The following DYNC2I1 variants were observed in gnomAD, a reference collection of about 807,000 sequenced individuals.
The protein encoded by DYNC2I1 is dynein 2 intermediate chain 1, also known as cytoplasmic dynein 2 intermediate chain 1.
In DYNC2I1, 89 loss-of-function variants were observed where a neutral mutation model predicts 133.4. That is an observed-to-expected ratio of 0.67 (90% CI 0.56 to 0.80). The LOEUF (loss-of-function observed/expected upper bound fraction) is 0.80, where lower values mean the gene tolerates loss of function less well. Among genes scored for constraint, DYNC2I1 ranks in the 30% least tolerant of loss-of-function variants. DYNC2I1 has a pLI of 0.00. For missense variants in DYNC2I1, 1,291 were observed against 1,314.5 expected, an observed-to-expected ratio of 0.98 and a Z score of 0.28; for synonymous variants, 504 against 484.3, an observed-to-expected ratio of 1.04 and a Z score of -0.54.
At chr7:158,848,647 G>A in the DYNC2I1 span, among the ~76,000 whole-genome samples, 109 of 152,292 alleles carry the variant, frequency 7.2e-4, 1 homozygote, top group Middle Eastern at 0.014. Flanking sequence ...GGACCAGGCC[G>A]GGCGCGGTGA....
rs1305929066 is a variant in DYNC2I1, at chr7:158,891,267, T to C, written c.993T>C (p.His331=). The C allele has an allele frequency of 5.0e-6, 8 of 1,614,054 alleles. No homozygotes were observed. Among genetic ancestry groups the C allele is most frequent in the Non-Finnish European group, 6.8e-6 (8 of 1,179,896 alleles). Residue 331 remains histidine, a splice_region_variant and synonymous_variant, in exon 8 of 25, where the codon CAT becomes CAC. Transcript: ENST00000407559. ...HGKDKDSRRK[H]GHEEGSSVWW... is the part of the protein sequence containing the mutation. ...TGGGGCTGTTCTCTCTCCATTAGCA[T>C]GGCCACGAGGAAGGCTCTTCTGTGT...
chr7:158,846,566 AAT>A, the DYNC2I1 span, among the ~76,000 whole-genome samples: 3 of 152,220 alleles, frequency 2.0e-5, no homozygotes, highest in African/African-American at 7.2e-5. Flanking sequence ...AATAAATTAT[AAT>A]AGTCTTTACA....
intron 10 of DYNC2I1, chr7:158,903,706 C>T (rs1399181873): frequency 6.6e-6 from 1 of 152,212 alleles, no homozygotes; most frequent in East Asian, 1.9e-4. Flanking sequence ...TAGCGCTGCA[C>T]ACAGGGAGGG....
intron 8 of DYNC2I1, among the ~76,000 whole-genome samples, chr7:158,895,514 G>A (rs1342599089): frequency 2.0e-5 from 3 of 152,054 alleles, no homozygotes; most frequent in African/African-American, 7.2e-5. Context: ...CACTCTTTTC[G>A]CCAGTACACA....
chr7:158,846,762 C>G, the DYNC2I1 span, among the ~76,000 whole-genome samples: 1 of 152,208 alleles, frequency 6.6e-6, no homozygotes, highest in Non-Finnish European at 1.5e-5. Flanking sequence ...TACCCTGCTG[C>G]TTCAGCTCTT....
At chr7:158,881,874 G>A (rs1263331976) in intron 5 of DYNC2I1, among the ~76,000 whole-genome samples, 2 of 152,104 alleles carry the variant, frequency 1.3e-5, no homozygotes, top group African/African-American at 2.4e-5. Context: ...GAACACTCTT[G>A]TACCCATAAC....
the DYNC2I1 span, among the ~76,000 whole-genome samples, chr7:158,841,196 T>C: frequency 3.8e-5 from 3 of 79,812 alleles, no homozygotes; most frequent in East Asian, 2.2e-3. Context: ...TATATATATA[T>C]ATATATATAT....
intron 13 of DYNC2I1, 68 bp from the exon 14 acceptor site, chr7:158,914,165 T>C: frequency 7.4e-7 from 1 of 1,347,624 alleles, no homozygotes; most frequent in Non-Finnish European, 1.0e-6. Context: ...GTTTGAACTC[T>C]TAAGATGTGT....
intron 1 of DYNC2I1, among the ~76,000 whole-genome samples, chr7:158,862,956 C>T (rs1841992800): frequency 6.6e-6 from 1 of 151,886 alleles, no homozygotes. Flanking sequence ...CATGGTCTCG[C>T]TGACTTCAGG....
intron 4 of DYNC2I1, among the ~76,000 whole-genome samples, chr7:158,879,389 A>G (rs1214841877): frequency 2.0e-5 from 3 of 152,116 alleles, no homozygotes; most frequent in Non-Finnish European, 2.9e-5. Context: ...AGTCCCCCAT[A>G]TAAAATGGTG....
intron 1 of DYNC2I1, among the ~76,000 whole-genome samples, chr7:158,867,165 A>T (rs745436441): frequency 4.6e-5 from 7 of 151,990 alleles, no homozygotes; most frequent in Non-Finnish European, 8.8e-5. Flanking sequence ...AGCTGAGGTT[A>T]GGTTTATCAT....
upstream of DYNC2I1, among the ~76,000 whole-genome samples, chr7:158,855,207 A>G (rs190258132): frequency 3.7e-3 from 563 of 152,334 alleles, 2 homozygotes; most frequent in Non-Finnish European, 6.0e-3. Context: ...GCATTCAGGG[A>G]TCAGAGTTTT....
intron 23 of DYNC2I1, among the ~76,000 whole-genome samples, chr7:158,936,984 A>G (rs1173588829): frequency 1.3e-5 from 2 of 152,210 alleles, no homozygotes; most frequent in Non-Finnish European, 2.9e-5. Flanking sequence ...AAAGACACAG[A>G]CATACACCCA....
At chr7:158,866,121 C>T (rs1563077078) in intron 1 of DYNC2I1, among the ~76,000 whole-genome samples, 2 of 152,194 alleles carry the variant, frequency 1.3e-5, no homozygotes, top group Admixed American at 1.3e-4. Context: ...AGAAACCCCA[C>T]TGGATGGGTT....
At chr7:158,940,709 A>G (rs1851255686) in intron 23 of DYNC2I1, among the ~76,000 whole-genome samples, 1 of 152,226 alleles carries the variant, frequency 6.6e-6, no homozygotes, top group Non-Finnish European at 1.5e-5. Flanking sequence ...ACACATGGAA[A>G]TTAAACATCT....
At chr7:158,862,801 A>G (rs1187177234) in intron 1 of DYNC2I1, among the ~76,000 whole-genome samples, 1 of 151,654 alleles carries the variant, frequency 6.6e-6, no homozygotes, top group Non-Finnish European at 1.5e-5. Flanking sequence ...TTGTTCCTTC[A>G]CATGTTCAGA....
At chr7:158,937,223 G>T (rs573127276) in intron 23 of DYNC2I1, among the ~76,000 whole-genome samples, 3 of 152,198 alleles carry the variant, frequency 2.0e-5, no homozygotes, top group Non-Finnish European at 4.4e-5. Context: ...AACAAATCTT[G>T]GAACTGAGAA....
chr7:158,894,132 A>ATACCGCATATCCTACCACATATCC (rs1554455814), intron 8 of DYNC2I1, among the ~76,000 whole-genome samples: 4 of 150,954 alleles, frequency 2.6e-5, no homozygotes, highest in Non-Finnish European at 5.9e-5. Context: ...ACCGCATATC[A>ATACCGCATATCCTACCACATATCC]TACCGCATAT....
chr7:158,858,772 G>C lies in DYNC2I1; in HGVS notation c.15+2022G>C, dbSNP rs570452027. On this transcript the variant is annotated intron_variant, in intron 1 of 24. Coordinates refer to ENST00000407559, the MANE Select transcript of DYNC2I1 (RefSeq NM_018051.5). ...TGGATCAAGTGTCTCCCTCTTTTTT[G>C]AAATCTCCATGCTTTTTCCAGTGGA... 1.3e-4 allele frequency among the ~76,000 whole-genome samples: 20 copies of C among 150,702 alleles called. No individual in the cohort carries two copies. In the Middle Eastern group the frequency reaches 0.01, roughly 77 times the overall value.
Sources: allele counts gnomAD v4.1 joint callset (sites outside exome capture counted in the v4.1 genomes callset), GRCh38; gene constraint gnomAD v4.1.1; transcripts MANE v1.5; gene names NCBI Gene and HGNC (gene_info 2026-07-23, HGNC 2026-07-21).